PCNX1: variants seen among roughly 807,000 people sequenced by gnomAD.
PCNX1 encodes pecanex-like protein 1.
Under a neutral mutation model 242.2 loss-of-function variants are expected in PCNX1, and 78 were observed. The ratio of observed to expected loss-of-function variants is 0.32; its 90% CI spans 0.27 to 0.39. PCNX1 has a LOEUF of 0.39. PCNX1 is among the 10% of genes least tolerant of loss of function. The pLI, the probability that PCNX1 is intolerant of heterozygous loss-of-function variation, is 1.00. For missense variants in PCNX1, 2,581 were observed against 2,856.5 expected (o/e 0.90, Z 2.20); for synonymous variants, 1,024 against 1,032.9 (o/e 0.99, Z 0.17).
In PCNX1 at chr14:71,111,171, T is replaced by A. The variant is rs966102274; in HGVS notation, c.*1236T>A. Reference sequence around the variant, plus strand: ...TGTGAAATTGACTTAATTCATATGTTGTCTCATAACTTTATTTTTTTTAAA... The same window carrying A: ...TGTGAAATTGACTTAATTCATATGTAGTCTCATAACTTTATTTTTTTTAAA... On this transcript the variant is annotated 3_prime_UTR_variant, in exon 36 of 36. Transcript: ENST00000304743. 2 of 152,652 alleles carry A rather than the reference T, an allele frequency of 1.3e-5. No individual in the cohort carries two copies. The highest frequency in any genetic ancestry group is 2.9e-5 in the Non-Finnish European group (2 of 68,040). 9.5% of individuals were successfully genotyped at this position (152,652 alleles called of 1,614,324 possible).
In PCNX1 at chr14:70,994,426, T is replaced by TATATATATATATATATATAG. The variant is rs1387360991; in HGVS notation, c.2445-1311_2445-1310insATATATATATATATAGATAT. On this transcript the variant is annotated intron_variant, in intron 7 of 35. Transcript: ENST00000304743. Reference sequence around the variant, plus strand: ...ATATATATATATATATATATATATATATATGTATGTATGTATGTTTCAACA... The same window carrying TATATATATATATATATATAG: ...ATATATATATATATATATATATATATATATATATATATATATATAGATATGTATGTATGTATGTTTCAACA... Among the ~76,000 whole-genome samples the TATATATATATATATATATAG allele has an allele frequency of 1.3e-4, 15 of 114,974 alleles. 1 individual carries two copies. The highest frequency in any genetic ancestry group is 2.0e-4 in the Non-Finnish European group (11 of 54,202). 75.4% of individuals were successfully genotyped at this position (114,974 alleles called of 152,430 possible).
At chr14:70,950,501 G>T (rs2057733207) in intron 2 of PCNX1, among the ~76,000 whole-genome samples, 1 of 152,004 alleles carries the variant, frequency 6.6e-6, no homozygotes, top group Non-Finnish European at 1.5e-5. Context: ...GTTTTTCAGA[G>T]GTGGAATTAC....
chr14:71,067,514 TCTGA>T (rs1229773954), intron 26 of PCNX1, among the ~76,000 whole-genome samples: 9 of 152,092 alleles, frequency 5.9e-5, no homozygotes, highest in South Asian at 2.1e-4. Context: ...TCTTCATTTG[TCTGA>T]CTATTGTTCT....
In PCNX1 at chr14:70,959,985, G is replaced by T. The variant is rs1313246758; in HGVS notation, c.363-2241G>T. On this transcript the variant is annotated intron_variant, in intron 2 of 35. Coordinates refer to ENST00000304743, the MANE Select transcript of PCNX1 (RefSeq NM_014982.3). ...TTGCATTTCTCTGATGGCCAGTGATGGTGAGCATTTTTTCATGTGTTTTTT... is the reference window on the plus strand; with the variant it reads ...TTGCATTTCTCTGATGGCCAGTGATTGTGAGCATTTTTTCATGTGTTTTTT... Among the ~76,000 whole-genome samples, 4 of 125,020 alleles carry T rather than the reference G, an allele frequency of 3.2e-5. No individual in the cohort carries two copies. In the Admixed American group the frequency reaches 3.2e-4, roughly 10 times the overall value. 82.0% of individuals were successfully genotyped at this position (125,020 alleles called of 152,430 possible). A position where few individuals can be genotyped will look rare whatever the true frequency, so the allele number is the denominator to read the frequency against.
intron 1 of PCNX1, among the ~76,000 whole-genome samples, chr14:70,927,563 T>TTCTC (rs1267477679): frequency 2.0e-5 from 3 of 151,906 alleles, no homozygotes; most frequent in Admixed American, 6.6e-5. Flanking sequence ...TTGATTTTCA[T>TTCTC]TCTCTCTCTT....
At chr14:71,028,353 A>C (rs1031482797) in intron 15 of PCNX1, among the ~76,000 whole-genome samples, 10 of 151,964 alleles carry the variant, frequency 6.6e-5, no homozygotes, top group African/African-American at 2.4e-4. Context: ...ATACATCTCC[A>C]GTTCCTGTTC....
In PCNX1 at chr14:71,109,434, T is replaced by G. The variant is rs748997072; in HGVS notation, c.6745-18T>G. The G allele has an allele frequency of 6.3e-7, 1 of 1,585,402 alleles. No individual in the cohort carries two copies. The highest frequency in any genetic ancestry group is 1.2e-5 in the South Asian group (1 of 86,848). Reference sequence around the variant, plus strand: ...TCAAGAAAAAAATGAATTGGAAATGTTTTTATTTACCATGTAGATTGTGGA... The same window carrying G: ...TCAAGAAAAAAATGAATTGGAAATGGTTTTATTTACCATGTAGATTGTGGA... On this transcript the variant is annotated intron_variant, in intron 34 of 35. Coordinates refer to ENST00000304743, the MANE Select transcript of PCNX1 (RefSeq NM_014982.3).
chr14:71,088,227 G>A (rs997577192), intron 28 of PCNX1, 103 bp from the exon 29 acceptor site: 9 of 578,498 alleles, frequency 1.6e-5, no homozygotes, highest in Non-Finnish European at 2.8e-5. Context: ...TAGAAATTAT[G>A]TACTCTTTGA....
intron 2 of PCNX1, among the ~76,000 whole-genome samples, chr14:70,957,026 T>C (rs1449658446): frequency 6.6e-6 from 1 of 152,050 alleles, no homozygotes; most frequent in Non-Finnish European, 1.5e-5. Context: ...GACAGGGTCT[T>C]GCTCTGTTGC....
At chr14:71,040,238 C>T (rs572161519) in intron 19 of PCNX1, among the ~76,000 whole-genome samples, 22 of 152,266 alleles carry the variant, frequency 1.4e-4, no homozygotes, top group African/African-American at 5.3e-4. Flanking sequence ...TTGAAAGATA[C>T]TTCATTGGGT....
At chr14:71,098,347 G>A (rs1477290701) in intron 30 of PCNX1, among the ~76,000 whole-genome samples, 1 of 151,992 alleles carries the variant, frequency 6.6e-6, no homozygotes, top group African/African-American at 2.4e-5. Context: ...GAATGGCATC[G>A]AAGCTGTAGA....
chr14:71,103,292 G>C lies in PCNX1; in HGVS notation c.5821-103G>C, dbSNP rs964309837. 14 of 1,274,726 alleles carry C rather than the reference G, an allele frequency of 1.1e-5. No homozygotes were observed. The African/African-American group carries it at 2.1e-4, about 19-fold the overall frequency. 79.0% of individuals were successfully genotyped at this position (1,274,726 alleles called of 1,614,324 possible). A position where few individuals can be genotyped will look rare whatever the true frequency, so the allele number is the denominator to read the frequency against. Reference sequence around the variant, plus strand: ...TATTTGTTCCCCGCTTTTCACAACTGGTTATCATAATATCTTTTGTATTCC... The same window carrying C: ...TATTTGTTCCCCGCTTTTCACAACTCGTTATCATAATATCTTTTGTATTCC... On this transcript the variant is annotated intron_variant, in intron 31 of 35. Coordinates refer to ENST00000304743, the MANE Select transcript of PCNX1 (RefSeq NM_014982.3).
intron 28 of PCNX1, among the ~76,000 whole-genome samples, chr14:71,084,347 G>T (rs2061931068): frequency 6.6e-6 from 1 of 152,218 alleles, no homozygotes; most frequent in Non-Finnish European, 1.5e-5. Context: ...ACTTGAGGAG[G>T]CAGTCTGTCC....
In PCNX1 at chr14:70,910,046, T is replaced by TCCC; in HGVS notation, c.153+2045_153+2046insCCC. Among the ~76,000 whole-genome samples the TCCC allele has an allele frequency of 2.5e-3, 161 of 64,338 alleles. 4 individuals are homozygous for TCCC. Among genetic ancestry groups the TCCC allele is most frequent in the African/African-American group, 0.01 (151 of 14,868 alleles). 42.2% of individuals were successfully genotyped at this position (64,338 alleles called of 152,430 possible). Reference sequence around the variant, plus strand: ...GACGACTCCTCCCTCCTCCTCCTCCTCCTCCTCCTCCTCCTCCCCCTCCTC... The same window carrying TCCC: ...GACGACTCCTCCCTCCTCCTCCTCCTCCCCCTCCTCCTCCTCCTCCCCCTCCTC... On this transcript the variant is annotated intron_variant, in intron 1 of 35. Coordinates refer to ENST00000304743, the MANE Select transcript of PCNX1 (RefSeq NM_014982.3).
chr14:70,992,153 A>G (rs1444752559), intron 7 of PCNX1, among the ~76,000 whole-genome samples: 4 of 152,112 alleles, frequency 2.6e-5, no homozygotes, highest in Non-Finnish European at 5.9e-5. Context: ...AAAGACAAAT[A>G]TTTAAAATAT....
intron 12 of PCNX1, among the ~76,000 whole-genome samples, chr14:71,021,544 A>G (rs112422831): frequency 3.9e-5 from 6 of 152,000 alleles, no homozygotes; most frequent in African/African-American, 1.4e-4. Flanking sequence ...TCTCTTCTCC[A>G]TTTATAGCTA....
chr14:71,055,811 G>A lies in PCNX1; in HGVS notation c.4636+249G>A, dbSNP rs184236810. On this transcript the variant is annotated intron_variant, in intron 25 of 35. Transcript: ENST00000304743. ...GAATGAAAAATTCCATTCAAAGATT[G>A]TTCTTACATAGGTTAAAATGTAGAA... 5.3e-5 allele frequency among the ~76,000 whole-genome samples: 8 copies of A among 152,258 alleles called. No individual in the cohort carries two copies. The East Asian group carries it at 9.6e-4, about 18-fold the overall frequency.
In PCNX1 at chr14:71,050,754, G is replaced by C; in HGVS notation, c.4441G>C (p.Val1481Leu). 1 of 1,613,248 alleles carries C rather than the reference G, an allele frequency of 6.2e-7. No individual in the cohort carries two copies. ...AFHAFAQPFA[V>L]PHSAMLFIQA... ...CCATGCTTTTGCTCAGCCTTTTGCA[G>C]TGCCTCGTATCCTTCTAATTAAAGT... The change falls in exon 23 of 36, where the codon GTG becomes CTG. Residue 1481 changes from valine to leucine, a missense_variant. Coordinates refer to ENST00000304743, the MANE Select transcript of PCNX1 (RefSeq NM_014982.3).
intron 8 of PCNX1, among the ~76,000 whole-genome samples, chr14:71,005,099 T>C (rs572636277): frequency 6.6e-6 from 1 of 152,182 alleles, no homozygotes; most frequent in East Asian, 1.9e-4. Flanking sequence ...AGAGACCTCT[T>C]TTGTTGTTGG....
Sources: allele counts gnomAD v4.1 joint callset (sites outside exome capture counted in the v4.1 genomes callset), GRCh38; gene constraint gnomAD v4.1.1; transcripts MANE v1.5; gene names NCBI Gene and HGNC (gene_info 2026-07-23, HGNC 2026-07-21).